The following OR2T3 variants were observed in gnomAD, a reference collection of about 807,000 sequenced individuals.
OR2T3 encodes the protein olfactory receptor family 2 subfamily T member 3, also known as olfactory receptor 2T3.
For missense variants in OR2T3, 159 were observed against 396.3 expected (o/e 0.40, Z 5.08); for synonymous variants, 66 against 157.4 (o/e 0.42, Z 4.35).
Position 248,473,960 on chromosome 1 carries a change from A to C in OR2T3, c.610A>C (p.Met204Leu). The change falls in exon 1 of 1, where the codon ATG becomes CTG. Residue 204 changes from methionine (M) to leucine (L), a missense_variant. By Grantham distance (15) the Met-to-Leu change is conservative. Coordinates refer to ENST00000359594, the MANE Select transcript of OR2T3 (RefSeq NM_001005495.1). ...TGACGTCTCCCTCTATAAGACGCTC[A>C]TGTACCTGTGCTGCATCCTCATGCT... ...CSDVSLYKTL[M>L]YLCCILMLLA... 1 of 1,489,432 alleles carries C rather than the reference A, an allele frequency of 6.7e-7. No individual in the cohort carries two copies. Among genetic ancestry groups the C allele is most frequent in the Non-Finnish European group, 9.0e-7 (1 of 1,112,580 alleles). The allele number at this position is 1,489,432 out of a possible 1,614,324, so 92.3% of individuals were successfully genotyped here. A position where few individuals can be genotyped will look rare whatever the true frequency, so the allele number is the denominator to read the frequency against.
rs754901360 is a variant in OR2T3, at chr1:248,473,957, C to T, written c.607C>T (p.Leu203Phe). 8 of 1,489,830 alleles carry T rather than the reference C, an allele frequency of 5.4e-6. 1 individual carries two copies. The highest frequency in any genetic ancestry group is 6.3e-6 in the Non-Finnish European group (7 of 1,112,650). The allele number at this position is 1,489,830 out of a possible 1,614,324, so 92.3% of individuals were successfully genotyped here. The change falls in exon 1 of 1, where the codon CTC (leucine) becomes TTC (phenylalanine). Residue 203 changes from leucine (L) to phenylalanine (F), a missense_variant. Coordinates refer to ENST00000359594, the MANE Select transcript of OR2T3 (RefSeq NM_001005495.1). ...SCSDVSLYKTLMYLCCILMLL... is the reference protein window; with the variant it reads ...SCSDVSLYKTFMYLCCILMLL... ...CTCTGACGTCTCCCTCTATAAGACG[C>T]TCATGTACCTGTGCTGCATCCTCAT...
At position 248,473,630 on chromosome 1, in the gene OR2T3, G is replaced by A. The variant is rs1369085304; in HGVS notation, c.280G>A (p.Asp94Asn). 3 of 1,611,086 alleles carry A rather than the reference G, an allele frequency of 1.9e-6. No individual in the cohort carries two copies. Among genetic ancestry groups the A allele is most frequent in the Admixed American group, 1.7e-5 (1 of 59,822 alleles). Residue 94 changes from aspartate (D) to asparagine (N), a missense_variant, in exon 1 of 1, where the codon GAT becomes AAT. Coordinates refer to ENST00000359594, the MANE Select transcript of OR2T3 (RefSeq NM_001005495.1). ...GATGCTTGTGGGCCAGGTCACTGGA[G>A]ATGATACCATTTCCCCGTCAGGCTG... is the stretch of plus-strand genomic sequence containing the variant. Reference protein sequence around the residue: ...PKMLVGQVTGDDTISPSGCGI... With the variant: ...PKMLVGQVTGNDTISPSGCGI...
chr1:248,473,941 C>A lies in OR2T3; in HGVS notation c.591C>A (p.Val197=), dbSNP rs762736110. The part of the protein sequence containing the change: ...PALLKLSCSD[V]SLYKTLMYLC... ...TGCTGAAGCTCTCCTGCTCTGACGT[C>A]TCCCTCTATAAGACGCTCATGTACC... The change falls in exon 1 of 1, where the codon GTC becomes GTA. Residue 197 remains valine (V), a synonymous_variant. Transcript: ENST00000359594. 7.2e-6 allele frequency: 11 copies of A among 1,527,802 alleles called. 1 individual carries two copies. The allele number at this position is 1,527,802 out of a possible 1,614,324, so 94.6% of individuals were successfully genotyped here. A position where few individuals can be genotyped will look rare whatever the true frequency, so the allele number is the denominator to read the frequency against.
chr1:248,473,542 G>T lies in OR2T3; in HGVS notation c.192G>T (p.Met64Ile), dbSNP rs781176869. 1 of 1,565,054 alleles carries T rather than the reference G, an allele frequency of 6.4e-7. No individual in the cohort carries two copies. Among genetic ancestry groups the T allele is most frequent in the Non-Finnish European group, 8.8e-7 (1 of 1,140,996 alleles). ...CAGAGCCCCGCCTCCACACCCCCAT[G>T]TACTTCTTCATCAGCCAGCTCGCGC... ...IHSEPRLHTP[M>I]YFFISQLALM... The change falls in exon 1 of 1, where the codon ATG becomes ATT. Residue 64 changes from methionine to isoleucine, a missense_variant. Physicochemically the swap from Met to Ile is conservative, Grantham distance 10. Transcript: ENST00000359594.
Position 248,473,893 on chromosome 1 carries a change from T to C in OR2T3, c.543T>C (p.Ser181=), listed in dbSNP as rs1174992028. 6.3e-7 allele frequency: 1 copy of C among 1,597,156 alleles called. No individual in the cohort carries two copies. The highest frequency in any genetic ancestry group is 1.4e-5 in the African/African-American group (1 of 71,872). The part of the protein sequence containing the change: ...FPFCQSRKIL[S]FFCETPALLK... The stretch of plus-strand genomic sequence containing the variant: ...TTTGCCAGTCTAGGAAAATCCTGAG[T>C]TTTTTCTGTGAGACTCCTGCCCTGC... The change falls in exon 1 of 1, where the codon AGT becomes AGC. Residue 181 remains serine (S), a synonymous_variant. Coordinates refer to ENST00000359594, the MANE Select transcript of OR2T3 (RefSeq NM_001005495.1).
chr1:248,474,058 C>T lies in OR2T3; in HGVS notation c.708C>T (p.Ala236=), dbSNP rs150213284. ...ILHLIHRMNS[A]AGHRKALATC... is the part of the protein sequence containing the mutation. ...ATCTCATCCACAGGATGAATTCTGC[C>T]GCCGGCCACAGGAAGGCCTTGGCCA... The change falls in exon 1 of 1, where the codon GCC becomes GCT. Residue 236 remains alanine, a synonymous_variant. Transcript: ENST00000359594. 1.2e-3 allele frequency: 1,918 copies of T among 1,597,074 alleles called. 62 individuals are homozygous for T. In the African/African-American group the frequency reaches 0.025, roughly 21 times the overall value.
rs760028790 is a variant in OR2T3 at position 248,473,918 on chromosome 1, C to A, written c.568C>A (p.Leu190Met). 1 of 1,578,762 alleles carries A rather than the reference C, an allele frequency of 6.3e-7. No homozygotes were observed. The highest frequency in any genetic ancestry group is 1.1e-5 in the South Asian group (1 of 88,502). ...TTTTTTCTGTGAGACTCCTGCCCTG[C>A]TGAAGCTCTCCTGCTCTGACGTCTC... ...LSFFCETPAL[L>M]KLSCSDVSLY... Residue 190 changes from leucine (L) to methionine (M), a missense_variant, in exon 1 of 1, where the codon CTG (leucine) becomes ATG (methionine). By Grantham distance (15) the Leu-to-Met change is conservative. Transcript: ENST00000359594.
rs776519136 is a variant in OR2T3, at chr1:248,473,472, T to C, written c.122T>C (p.Leu41Ser). Reference protein sequence around the residue: ...LLYTVTFLLFLMALTGNALLI... With the variant: ...LLYTVTFLLFSMALTGNALLI... ...TACACCGTGACCTTCCTTCTTTTCT[T>C]GATGGCCCTCACTGGGAATGCCCTC... is the stretch of plus-strand genomic sequence containing the variant. The change falls in exon 1 of 1, where the codon TTG becomes TCG. Residue 41 changes from leucine to serine, a missense_variant. By Grantham distance (145) the Leu-to-Ser change is moderately radical. Coordinates refer to ENST00000359594, the MANE Select transcript of OR2T3 (RefSeq NM_001005495.1). 1.3e-6 allele frequency: 2 copies of C among 1,498,796 alleles called. No individual in the cohort carries two copies. Among genetic ancestry groups the C allele is most frequent in the East Asian group, 2.3e-5 (1 of 43,946 alleles). The allele number at this position is 1,498,796 out of a possible 1,614,324, so 92.8% of individuals were successfully genotyped here. A position where few individuals can be genotyped will look rare whatever the true frequency, so the allele number is the denominator to read the frequency against.
rs758747077 is a variant in OR2T3, at chr1:248,473,604, A to G, written c.254A>G (p.Lys85Arg). ...DLMYLCVTVP[K>R]MLVGQVTGDD... ...ATGTACCTATGCGTGACTGTGCCCA[A>G]GATGCTTGTGGGCCAGGTCACTGGA... Residue 85 changes from lysine (K) to arginine (R), a missense_variant, in exon 1 of 1, where the codon AAG becomes AGG. By Grantham distance (26) the Lys-to-Arg change is conservative (BLOSUM62 2). Transcript: ENST00000359594. 7 of 1,597,994 alleles carry G rather than the reference A, an allele frequency of 4.4e-6. No individual in the cohort carries two copies. Among genetic ancestry groups the G allele is most frequent in the East Asian group, 4.5e-5 (2 of 44,524 alleles).
In OR2T3 at chr1:248,474,146, C is replaced by G; in HGVS notation, c.796C>G (p.Leu266Val). 2 of 1,614,080 alleles carry G rather than the reference C, an allele frequency of 1.2e-6. No homozygotes were observed. The highest frequency in any genetic ancestry group is 1.7e-6 in the Non-Finnish European group (2 of 1,179,890). The change falls in exon 1 of 1, where the codon CTC becomes GTC. Residue 266 changes from leucine (L) to valine (V), a missense_variant. Transcript: ENST00000359594. ...CGGTGCTTCCTTCTACACCTACATG[C>G]TCCCGAGTTCCTACCACACAGCTGA... Reference protein sequence around the residue: ...LFGASFYTYMLPSSYHTAEQD... With the variant: ...LFGASFYTYMVPSSYHTAEQD...
At position 248,473,907 on chromosome 1, in the gene OR2T3, C is replaced by A. The variant is rs139543396; in HGVS notation, c.557C>A (p.Thr186Asn). The change falls in exon 1 of 1, where the codon ACT becomes AAT. Residue 186 changes from threonine to asparagine, a missense_variant. By Grantham distance (65) the Thr-to-Asn change is moderately conservative. Coordinates refer to ENST00000359594, the MANE Select transcript of OR2T3 (RefSeq NM_001005495.1). ...SRKILSFFCE[T>N]PALLKLSCSD... ...AAAATCCTGAGTTTTTTCTGTGAGA[C>A]TCCTGCCCTGCTGAAGCTCTCCTGC... 1 of 1,588,326 alleles carries A rather than the reference C, an allele frequency of 6.3e-7. No homozygotes were observed.
In OR2T3 at chr1:248,474,125, G is replaced by A. The variant is rs1158512192; in HGVS notation, c.775G>A (p.Ala259Thr). 1.2e-6 allele frequency: 2 copies of A among 1,614,030 alleles called. No homozygotes were observed. The highest frequency in any genetic ancestry group is 8.5e-7 in the Non-Finnish European group (1 of 1,179,878). Residue 259 changes from alanine (A) to threonine (T), a missense_variant, in exon 1 of 1, where the codon GCT becomes ACT. Ala to Thr is a moderately conservative substitution (Grantham distance 58, BLOSUM62 0). Transcript: ENST00000359594. ...HMIIVLLLFGASFYTYMLPSS... is the reference protein window; with the variant it reads ...HMIIVLLLFGTSFYTYMLPSS... ...GATCATAGTGCTGCTGCTCTTCGGTGCTTCCTTCTACACCTACATGCTCCC... is the reference window on the plus strand; with the variant it reads ...GATCATAGTGCTGCTGCTCTTCGGTACTTCCTTCTACACCTACATGCTCCC...
rs1474327820 is a variant in OR2T3 at position 248,473,443 on chromosome 1, C to G, written c.93C>G (p.Leu31=). The change falls in exon 1 of 1, where the codon CTC becomes CTG. Residue 31 remains leucine (L), a synonymous_variant. Transcript: ENST00000359594. ...GLFAESKHAA[L]LYTVTFLLFL... ...TTGCTGAGAGCAAGCATGCTGCCCT[C>G]CTCTACACCGTGACCTTCCTTCTTT... 8.1e-6 allele frequency: 12 copies of G among 1,484,460 alleles called. No homozygotes were observed. Among genetic ancestry groups the G allele is most frequent in the Non-Finnish European group, 1.1e-5 (12 of 1,067,226 alleles). The allele number at this position is 1,484,460 out of a possible 1,614,324, so 92.0% of individuals were successfully genotyped here.
rs757276541 is a variant in OR2T3, at chr1:248,473,687, G to T, written c.337G>T (p.Ala113Ser). The change falls in exon 1 of 1, where the codon GCT (alanine) becomes TCT (serine). Residue 113 changes from alanine to serine, a missense_variant. Physicochemically the swap from Ala to Ser is moderately conservative, Grantham distance 99. Transcript: ENST00000359594. ...CCAGATGTTCTTCTACCTGACCCTG[G>T]CTGGAGCTGAGGTTTTCCTCCTGGC... ...GIQMFFYLTL[A>S]GAEVFLLAAM... 42 of 1,611,954 alleles carry T rather than the reference G, an allele frequency of 2.6e-5. 1 individual carries two copies. In the East Asian group the frequency reaches 8.9e-4, roughly 34 times the overall value.
At position 248,473,519 on chromosome 1, in the gene OR2T3, G is replaced by T. The variant is rs756660918; in HGVS notation, c.169G>T (p.Glu57Ter). 1.3e-6 allele frequency: 2 copies of T among 1,547,280 alleles called. No homozygotes were observed. Among genetic ancestry groups the T allele is most frequent in the South Asian group, 2.3e-5 (2 of 88,590 alleles). Reference protein sequence around the residue: ...NALLILLIHSEPRLHTPMYFF... With the variant: ...NALLILLIHS ...CCTCCTCATCCTCCTCATCCACTCA[G>T]AGCCCCGCCTCCACACCCCCATGTA... is the stretch of plus-strand genomic sequence containing the variant. The change falls in exon 1 of 1, where the codon GAG becomes TAG. Residue 57 changes from glutamate to a stop codon, truncating the protein, a stop_gained. Transcript: ENST00000359594. LOFTEE classifies it low-confidence loss of function (END_TRUNC).
rs145135594 is a variant in OR2T3, at chr1:248,474,143, A to G, written c.793A>G (p.Met265Val). The G allele has an allele frequency of 7.8e-4, 1,255 of 1,613,804 alleles. No homozygotes were observed. The Admixed American group carries it at 0.02, about 25-fold the overall frequency. Residue 265 changes from methionine (M) to valine (V), a missense_variant, in exon 1 of 1, where the codon ATG becomes GTG. Met to Val is a conservative substitution (Grantham distance 21, BLOSUM62 1). Coordinates refer to ENST00000359594, the MANE Select transcript of OR2T3 (RefSeq NM_001005495.1). The part of the protein sequence containing the change: ...LLFGASFYTY[M>V]LPSSYHTAEQ... ...CTTCGGTGCTTCCTTCTACACCTAC[A>G]TGCTCCCGAGTTCCTACCACACAGC...
Position 248,473,671 on chromosome 1 carries a change from C to G in OR2T3, c.321C>G (p.Phe107Leu), listed in dbSNP as rs201404223. The G allele has an allele frequency of 3.5e-4, 564 of 1,611,944 alleles. No individual in the cohort carries two copies. In the Admixed American group the frequency reaches 9.3e-3, roughly 26 times the overall value. Residue 107 changes from phenylalanine to leucine, a missense_variant, in exon 1 of 1, where the codon TTC becomes TTG. Transcript: ENST00000359594. ...CGTCAGGCTGTGGGATCCAGATGTT[C>G]TTCTACCTGACCCTGGCTGGAGCTG... ...ISPSGCGIQM[F>L]FYLTLAGAEV...
In OR2T3 at chr1:248,473,452, C is replaced by A. The variant is rs144300522; in HGVS notation, c.102C>A (p.Thr34=). The A allele has an allele frequency of 6.7e-6, 10 of 1,482,786 alleles. No homozygotes were observed. In the East Asian group the frequency reaches 1.8e-4, roughly 27 times the overall value. 91.9% of individuals were successfully genotyped at this position (1,482,786 alleles called of 1,614,324 possible). A position where few individuals can be genotyped will look rare whatever the true frequency, so the allele number is the denominator to read the frequency against. ...GCAAGCATGCTGCCCTCCTCTACAC[C>A]GTGACCTTCCTTCTTTTCTTGATGG... ...AESKHAALLY[T]VTFLLFLMAL... Residue 34 remains threonine, a synonymous_variant, in exon 1 of 1, where the codon ACC becomes ACA. Transcript: ENST00000359594.
At position 248,473,625 on chromosome 1, in the gene OR2T3, C is replaced by A. The variant is rs1663439559; in HGVS notation, c.275C>A (p.Thr92Asn). 3.1e-6 allele frequency: 5 copies of A among 1,610,718 alleles called. No homozygotes were observed. The highest frequency in any genetic ancestry group is 4.2e-6 in the Non-Finnish European group (5 of 1,179,110). ...TVPKMLVGQV[T>N]GDDTISPSGC... ...CCCAAGATGCTTGTGGGCCAGGTCA[C>A]TGGAGATGATACCATTTCCCCGTCA... Residue 92 changes from threonine to asparagine, a missense_variant, in exon 1 of 1, where the codon ACT becomes AAT. By Grantham distance (65) the Thr-to-Asn change is moderately conservative. Transcript: ENST00000359594.
Sources: gnomAD v4.1 joint callset for allele counts on GRCh38, gnomAD v4.1.1 for gene constraint, MANE v1.5 for transcripts, NCBI Gene and HGNC (gene_info 2026-07-23, HGNC 2026-07-21) for gene names.